CACNA2D3: variants seen among roughly 807,000 people sequenced by gnomAD.
CACNA2D3 encodes voltage-dependent calcium channel subunit alpha-2/delta-3.
In CACNA2D3, 60 loss-of-function variants were observed where a neutral mutation model predicts 160.6. That is an observed-to-expected ratio of 0.37 (90% confidence interval 0.30 to 0.46). CACNA2D3 has a LOEUF of 0.46. Ranked by LOEUF, CACNA2D3 falls within the 20% of genes least tolerant of loss-of-function variation. The pLI, the probability that CACNA2D3 is intolerant of heterozygous loss-of-function variation, is 1.00. For synonymous variants in CACNA2D3, 558 were observed against 492.9 expected, an observed-to-expected ratio of 1.13 and a Z score of -1.75; for missense variants, 1,205 against 1,365.0, an observed-to-expected ratio of 0.88 and a Z score of 1.85.
At chr3:54,363,394 C>T (rs2107543208) in intron 3 of CACNA2D3, among the ~76,000 whole-genome samples, 1 of 152,174 alleles carries the variant, frequency 6.6e-6, no homozygotes, top group South Asian at 2.1e-4. Flanking sequence ...ATATGGGGCC[C>T]CAGTTCCTTG....
intron 4 of CACNA2D3, among the ~76,000 whole-genome samples, chr3:54,446,759 G>A (rs1237636031): frequency 2.0e-5 from 3 of 152,014 alleles, no homozygotes; most frequent in East Asian, 3.9e-4. Flanking sequence ...TCCTGACAGC[G>A]CTGGCAGTGC....
intron 2 of CACNA2D3, among the ~76,000 whole-genome samples, chr3:54,216,819 C>T (rs73841907): frequency 0.015 from 2,307 of 152,292 alleles, 50 homozygotes; most frequent in African/African-American, 0.053. Flanking sequence ...GGAAACCAGC[C>T]ATCTAGCTCT....
At chr3:54,794,288 C>G (rs1312755208) in intron 13 of CACNA2D3, among the ~76,000 whole-genome samples, 3 of 152,118 alleles carry the variant, frequency 2.0e-5, no homozygotes, top group African/African-American at 7.2e-5. Context: ...TTCTCACAGT[C>G]TACCTTACTT....
At chr3:54,781,273 G>C (rs1336971932) in intron 13 of CACNA2D3, among the ~76,000 whole-genome samples, 1 of 152,176 alleles carries the variant, frequency 6.6e-6, no homozygotes, top group African/African-American at 2.4e-5. Flanking sequence ...AGACATTTTT[G>C]TAAGGTCTGG....
intron 4 of CACNA2D3, among the ~76,000 whole-genome samples, chr3:54,450,738 C>G (rs1700292066): frequency 6.6e-6 from 1 of 152,062 alleles, no homozygotes; most frequent in South Asian, 2.1e-4. Flanking sequence ...TTATAAATTA[C>G]CCAGCCTTGG....
intron 9 of CACNA2D3, among the ~76,000 whole-genome samples, chr3:54,600,772 C>T (rs558814867): frequency 6.6e-6 from 1 of 152,146 alleles, no homozygotes; most frequent in African/African-American, 2.4e-5. Flanking sequence ...ATTATGTGAG[C>T]GTCTAATGAG....
rs138928024 is a variant in CACNA2D3, at chr3:54,330,556, A to G, written c.321+9998A>G. 8.0e-4 allele frequency among the ~76,000 whole-genome samples: 122 copies of G among 152,296 alleles called. No individual in the cohort carries two copies. In the East Asian group the frequency reaches 0.022, roughly 27 times the overall value. ...CCAGGTTGTGGCCCTGATTTGACTA[A>G]TGCAGGAGTTGCCTTAGTAAAAACT... On this transcript the variant is annotated intron_variant, in intron 3 of 37. Transcript: ENST00000474759.
chr3:54,783,347 T>C (rs1440019989), intron 13 of CACNA2D3, among the ~76,000 whole-genome samples: 1 of 152,156 alleles, frequency 6.6e-6, no homozygotes, highest in East Asian at 1.9e-4. Context: ...GGCTCACACC[T>C]GTAATCCCAG....
intron 29 of CACNA2D3, among the ~76,000 whole-genome samples, chr3:54,975,568 G>GA (rs1322049491): frequency 6.6e-6 from 1 of 150,874 alleles, no homozygotes; most frequent in Non-Finnish European, 1.5e-5. Context: ...CCCTTTGGTG[G>GA]AAATGGAAGC....
chr3:54,529,549 T>G (rs1701775396), intron 5 of CACNA2D3, among the ~76,000 whole-genome samples: 2 of 152,312 alleles, frequency 1.3e-5, no homozygotes, highest in South Asian at 4.1e-4. Flanking sequence ...TTCGGTTTCC[T>G]TACCTGTGAA....
intron 35 of CACNA2D3, among the ~76,000 whole-genome samples, chr3:55,054,433 A>G (rs1010278667): frequency 1.3e-5 from 2 of 151,914 alleles, no homozygotes; most frequent in African/African-American, 4.8e-5. Flanking sequence ...CCTTGAATAT[A>G]TAACACTCAG....
rs1289158444 is a variant in CACNA2D3, at chr3:54,280,064, GTTTGTTTATTTA to G, written c.205-40374_205-40363del. On this transcript the variant is annotated intron_variant, in intron 2 of 37. Transcript: ENST00000474759. ...ACAAAGATGACTTGTTTGTTTGTTT[GTTTGTTTATTTA>G]TTTATTTATTTATTTATTTATTTGA... Among the ~76,000 whole-genome samples, 761 of 131,476 alleles carry G rather than the reference GTTTGTTTATTTA, an allele frequency of 5.8e-3. 6 individuals carry two copies. Among genetic ancestry groups the G allele is most frequent in the African/African-American group, 0.02 (725 of 36,712 alleles). 86.3% of individuals were successfully genotyped at this position (131,476 alleles called of 152,430 possible).
intron 27 of CACNA2D3, among the ~76,000 whole-genome samples, chr3:54,938,758 G>T (rs1243920751): frequency 6.6e-6 from 1 of 152,120 alleles, no homozygotes; most frequent in Non-Finnish European, 1.5e-5. Context: ...AAATTTGAGA[G>T]CATGTTGAAA....
chr3:54,251,770 C>A (rs1407030279), intron 2 of CACNA2D3, among the ~76,000 whole-genome samples: 1 of 152,198 alleles, frequency 6.6e-6, no homozygotes, highest in Non-Finnish European at 1.5e-5. Context: ...TGAGTAAGAA[C>A]TGACATGGAG....
intron 27 of CACNA2D3, among the ~76,000 whole-genome samples, chr3:54,914,909 G>C (rs4245919): frequency 6.6e-6 from 1 of 152,054 alleles, no homozygotes; most frequent in African/African-American, 2.4e-5. Context: ...GGTTTCTAAC[G>C]GTTGTTGGAT....
chr3:54,500,666 T>C (rs1278860478), intron 4 of CACNA2D3, among the ~76,000 whole-genome samples: 2 of 152,022 alleles, frequency 1.3e-5, no homozygotes, highest in Non-Finnish European at 2.9e-5. Flanking sequence ...TAATTGAACA[T>C]GTTATGTGAC....
rs545631199 is a variant in CACNA2D3 at position 54,420,074 on chromosome 3, TTTTG to T, written c.381+33324_381+33327del. ...AGCTACTGCACCCGGCCTATTCAGT[TTTTG>T]TTTGTTTGTTTGTTTGTTTGTTTTC... On this transcript the variant is annotated intron_variant, in intron 4 of 37. Coordinates refer to ENST00000474759, the MANE Select transcript of CACNA2D3 (RefSeq NM_018398.3). Among the ~76,000 whole-genome samples the T allele has an allele frequency of 1.1e-4, 16 of 146,742 alleles. 1 individual carries two copies. The highest frequency in any genetic ancestry group is 4.4e-4 in the South Asian group (2 of 4,554).
chr3:54,449,389 A>G (rs527628809), intron 4 of CACNA2D3, among the ~76,000 whole-genome samples: 3 of 152,366 alleles, frequency 2.0e-5, no homozygotes, highest in East Asian at 3.9e-4. Context: ...TGTTCACTTC[A>G]TGTTTACAAT....
intron 9 of CACNA2D3, chr3:54,626,442 G>A: frequency 1.3e-6 from 2 of 1,591,788 alleles, no homozygotes; most frequent in South Asian, 1.1e-5. Flanking sequence ...AAGTGGTGAA[G>A]ACGCACCTGC....
Sources: allele counts gnomAD v4.1 joint callset (sites outside exome capture counted in the v4.1 genomes callset), GRCh38; gene constraint gnomAD v4.1.1; transcripts MANE v1.5; gene names NCBI Gene and HGNC (gene_info 2026-07-23, HGNC 2026-07-21).